The following ARSB variants were observed in gnomAD, a reference collection of about 807,000 sequenced individuals.
The protein encoded by ARSB is N-acetylgalactosamine-4-sulfatase.
In ARSB, 41 loss-of-function variants were observed where a neutral mutation model predicts 50.9. The ratio of observed to expected loss-of-function variants is 0.81; its 90% CI spans 0.63 to 1.04. The LOEUF (loss-of-function observed/expected upper bound fraction) is 1.04. Among genes scored for constraint, ARSB ranks in the 50% least tolerant of loss-of-function variants. The pLI, the probability that ARSB is intolerant of heterozygous loss-of-function variation, is 0.00. For synonymous variants in ARSB, 269 were observed against 284.8 expected, an observed-to-expected ratio of 0.94 and a Z score of 0.56; for missense variants, 672 against 693.3, an observed-to-expected ratio of 0.97 and a Z score of 0.35.
chr5:78,982,848 A>G (rs1218693600), intron 1 of ARSB, among the ~76,000 whole-genome samples: 1 of 152,180 alleles, frequency 6.6e-6, no homozygotes, highest in East Asian at 1.9e-4. Flanking sequence ...GGAGGAAAAA[A>G]AATGTTTGGG....
chr5:78,952,895 C>T (rs1476422750), intron 4 of ARSB, among the ~76,000 whole-genome samples: 1 of 152,174 alleles, frequency 6.6e-6, no homozygotes, highest in East Asian at 1.9e-4. Flanking sequence ...AATAATTTTG[C>T]TACACCAGTG....
intron 4 of ARSB, among the ~76,000 whole-genome samples, chr5:78,949,482 C>A (rs1751404135): frequency 6.6e-6 from 1 of 152,180 alleles, no homozygotes; most frequent in Non-Finnish European, 1.5e-5. Flanking sequence ...ATTATTATAG[C>A]ACATTATTAA....
intron 4 of ARSB, among the ~76,000 whole-genome samples, chr5:78,901,937 C>T (rs779256291): frequency 1.4e-4 from 21 of 152,220 alleles, no homozygotes; most frequent in Non-Finnish European, 2.6e-4. Context: ...GGGAGTGTAA[C>T]ATGATGCAGC....
At chr5:78,939,802 T>C (rs570868444) in intron 4 of ARSB, among the ~76,000 whole-genome samples, 2 of 152,304 alleles carry the variant, frequency 1.3e-5, no homozygotes, top group East Asian at 3.9e-4. Flanking sequence ...TACCCAGTAA[T>C]GGGATGGCTG....
At chr5:78,963,507 TTTTATG>T (rs1752085227) in intron 3 of ARSB, among the ~76,000 whole-genome samples, 1 of 152,134 alleles carries the variant, frequency 6.6e-6, no homozygotes, top group Non-Finnish European at 1.5e-5. Context: ...GAAGTATTAT[TTTTATG>T]GGTGTTCTTA....
chr5:78,825,133 C>T (rs1026917707), intron 6 of ARSB, among the ~76,000 whole-genome samples: 1 of 152,120 alleles, frequency 6.6e-6, no homozygotes, highest in Non-Finnish European at 1.5e-5. Context: ...TAAAGTGCCA[C>T]CAAGTTATCT....
chr5:78,815,175 T>C (rs150064292), intron 6 of ARSB, among the ~76,000 whole-genome samples: 1 of 150,856 alleles, frequency 6.6e-6, no homozygotes, highest in East Asian at 1.9e-4. Context: ...AGAGATTGCT[T>C]ATTTTCTAGT....
At chr5:78,951,302 A>G (rs1212550807) in intron 4 of ARSB, among the ~76,000 whole-genome samples, 1 of 152,116 alleles carries the variant, frequency 6.6e-6, no homozygotes, top group Non-Finnish European at 1.5e-5. Flanking sequence ...ACAGGGTTAC[A>G]TTGAGGTTTA....
intron 4 of ARSB, among the ~76,000 whole-genome samples, chr5:78,936,862 T>C (rs561419141): frequency 6.6e-6 from 1 of 152,326 alleles, no homozygotes; most frequent in African/African-American, 2.4e-5. Context: ...CTTTAAATAT[T>C]TGGCTAGACG....
At chr5:78,829,994 G>A (rs1482252098) in intron 6 of ARSB, among the ~76,000 whole-genome samples, 3 of 152,204 alleles carry the variant, frequency 2.0e-5, no homozygotes, top group Non-Finnish European at 4.4e-5. Context: ...CAGACCTGGG[G>A]AGGCTCCAGG....
At chr5:78,789,178 A>C (rs1030083122) in intron 6 of ARSB, among the ~76,000 whole-genome samples, 13 of 152,250 alleles carry the variant, frequency 8.5e-5, no homozygotes, top group African/African-American at 3.1e-4. Flanking sequence ...TAACAATGCA[A>C]TTTATATGTT....
At chr5:78,907,270 G>A (rs1009689011) in intron 4 of ARSB, among the ~76,000 whole-genome samples, 3 of 152,184 alleles carry the variant, frequency 2.0e-5, no homozygotes, top group African/African-American at 7.2e-5. Context: ...TTATTACACA[G>A]TGAGTTTGTT....
At chr5:78,974,931 C>G (rs546236985) in intron 1 of ARSB, among the ~76,000 whole-genome samples, 2 of 152,168 alleles carry the variant, frequency 1.3e-5, no homozygotes, top group South Asian at 4.1e-4. Flanking sequence ...CTTTGTTTCT[C>G]CCCCTAAAGG....
chr5:78,939,317 C>T lies in ARSB; in HGVS notation c.898+15978G>A, dbSNP rs527822848. 4.1e-4 allele frequency among the ~76,000 whole-genome samples: 62 copies of T among 151,272 alleles called. 1 individual carries two copies. Among genetic ancestry groups the T allele is most frequent in the African/African-American group, 1.4e-3 (58 of 41,090 alleles). On this transcript the variant is annotated intron_variant, in intron 4 of 7. Transcript: ENST00000264914. ...TTTTAATACTTTAAGTTCTAGGGTA[C>T]ATGTGCATAACGTGCAGGTTTGTTA...
At chr5:78,796,917 G>A (rs1457542017) in intron 6 of ARSB, among the ~76,000 whole-genome samples, 1 of 132,172 alleles carries the variant, frequency 7.6e-6, no homozygotes, top group Non-Finnish European at 1.6e-5. Context: ...TCGCTCTGTC[G>A]CCCAGGCTGG....
chr5:78,896,049 G>A (rs1019159610), intron 4 of ARSB, among the ~76,000 whole-genome samples: 5 of 152,196 alleles, frequency 3.3e-5, no homozygotes, highest in African/African-American at 4.8e-5. Flanking sequence ...CGGTTCTTGT[G>A]CCCAGTATAG....
At chr5:78,909,047 C>T (rs1749190814) in intron 4 of ARSB, among the ~76,000 whole-genome samples, 2 of 152,158 alleles carry the variant, frequency 1.3e-5, no homozygotes, top group African/African-American at 4.8e-5. Context: ...ATTAGGTAAA[C>T]GGTATAGTCT....
At chr5:78,821,990 T>C (rs1744249065) in intron 6 of ARSB, among the ~76,000 whole-genome samples, 1 of 152,222 alleles carries the variant, frequency 6.6e-6, no homozygotes, top group Admixed American at 6.5e-5. Context: ...TTTCATTAAT[T>C]TGTTTGTCAT....
At chr5:78,862,821 C>A (rs2112106971) in intron 5 of ARSB, among the ~76,000 whole-genome samples, 1 of 152,256 alleles carries the variant, frequency 6.6e-6, no homozygotes, top group South Asian at 2.1e-4. Flanking sequence ...AACAGGCAAC[C>A]TACAGAATGG....
Sources: gnomAD v4.1 joint callset for allele counts (sites outside exome capture counted in the v4.1 genomes callset) on GRCh38, gnomAD v4.1.1 for gene constraint, MANE v1.5 for transcripts, NCBI Gene and HGNC (gene_info 2026-07-23, HGNC 2026-07-21) for gene names.